Variants in PRH1 observed in about 807,000 individuals in gnomAD.
The protein encoded by PRH1 is salivary acidic proline-rich phosphoprotein 1/2.
Under a neutral mutation model 7.9 loss-of-function variants are expected in PRH1, and 7 were observed. The observed-to-expected ratio is 0.89, with a 90% confidence interval of 0.50 to 1.67. PRH1 has a LOEUF of 1.67. Ranked by LOEUF, PRH1 falls within the 40% of genes most tolerant of loss-of-function variation. The pLI is 0.00. For missense variants in PRH1, 109 were observed against 223.6 expected (o/e 0.49, Z 3.27); for synonymous variants, 45 against 80.8 (o/e 0.56, Z 2.38).
At chr12:11,171,215 G>A (rs1947830699) in intron 1 of PRH1, 1 of 462,076 alleles carries the variant, frequency 2.2e-6, no homozygotes, top group African/African-American at 2.0e-5. Flanking sequence ...GCACTGCACC[G>A]AGCGGCGGCA....
Position 11,090,737 on chromosome 12 carries a change from T to C in PRH1, n.124-43549A>G, listed in dbSNP as rs180968942. 2.5e-3 allele frequency among the ~76,000 whole-genome samples: 293 copies of C among 117,754 alleles called. 73 individuals are homozygous for C. The highest frequency in any genetic ancestry group is 7.8e-3 in the African/African-American group (274 of 35,036). The allele number at this position is 117,754 out of a possible 152,430, so 77.3% of individuals were successfully genotyped here. ...TCATTGCTTTTTACTAAACATAAAA[T>C]AGAAATTCATAATGGAATAAAACAC... On this transcript the variant is annotated intron_variant and non_coding_transcript_variant, in intron 1 of 4. Coordinates refer to the PRH1 transcript ENST00000541977.
chr12:11,143,702 A>T (rs1946776721), intron 1 of PRH1, among the ~76,000 whole-genome samples: 1 of 152,214 alleles, frequency 6.6e-6, no homozygotes, highest in Non-Finnish European at 1.5e-5. Flanking sequence ...TATTAGACAA[A>T]ATAGATTTCA....
intron 2 of PRH1, chr12:10,939,332 G>A (rs1950353416): frequency 3.4e-6 from 2 of 596,110 alleles, no homozygotes; most frequent in Non-Finnish European, 5.5e-6. Context: ...AAAAGGGAAT[G>A]TTAAACCAGC....
At chr12:11,065,663 T>C (rs1406499882) in intron 1 of PRH1, among the ~76,000 whole-genome samples, 1 of 14,896 alleles carries the variant, frequency 6.7e-5, no homozygotes, top group East Asian at 0.05. Context: ...TATAAATCAT[T>C]TTTTAATGGA....
intron 2 of PRH1, chr12:10,895,959 T>C (rs1036677526): frequency 1.3e-5 from 2 of 152,240 alleles, no homozygotes; most frequent in African/African-American, 4.8e-5. Flanking sequence ...GATTTATATA[T>C]CCAAAGGAGT....
intron 1 of PRH1, chr12:10,973,853 T>G (rs1348704959): frequency 6.2e-6 from 3 of 486,004 alleles, no homozygotes; most frequent in Non-Finnish European, 1.1e-5. Context: ...ACTTATATAT[T>G]TAATGCAATC....
rs143518639 is a variant in PRH1, at chr12:11,093,048, G to A, written n.124-45860C>T. On this transcript the variant is annotated intron_variant and non_coding_transcript_variant, in intron 1 of 4. Transcript: ENST00000541977. Reference sequence around the variant, plus strand: ...GACCTGAATCCTCATTTGCTAGTATGCAAATAGGGACATATTCACTTTCAG... The same window carrying A: ...GACCTGAATCCTCATTTGCTAGTATACAAATAGGGACATATTCACTTTCAG... Among the ~76,000 whole-genome samples, 37 of 116,198 alleles carry A rather than the reference G, an allele frequency of 3.2e-4. 8 individuals are homozygous for A. Among genetic ancestry groups the A allele is most frequent in the African/African-American group, 9.5e-4 (33 of 34,806 alleles). The allele number at this position is 116,198 out of a possible 152,430, so 76.2% of individuals were successfully genotyped here. A position where few individuals can be genotyped will look rare whatever the true frequency, so the allele number is the denominator to read the frequency against.
rs776130772 is a variant in PRH1, at chr12:10,915,543, C to T, written c.-58-31268G>A. On this transcript the variant is annotated intron_variant, in intron 2 of 3. Coordinates refer to the PRH1 transcript ENST00000539853. ...AAATGCCAACCCAAACTAGGTCACA[C>T]GTGTCAAAGTATATTAAAATGGAGG... Among the ~76,000 whole-genome samples, 26 of 56,396 alleles carry T rather than the reference C, an allele frequency of 4.6e-4. 11 individuals are homozygous for T. In the East Asian group the frequency reaches 9.9e-3, roughly 21 times the overall value. 37.0% of individuals were successfully genotyped at this position (56,396 alleles called of 152,430 possible).
chr12:11,060,292 CAT>C (rs1943533781), intron 1 of PRH1, among the ~76,000 whole-genome samples: 1 of 151,896 alleles, frequency 6.6e-6, no homozygotes, highest in Non-Finnish European at 1.5e-5. Flanking sequence ...ATAATTAAAA[CAT>C]AGATTTCATA....
At chr12:11,085,781 T>A (rs1392358604) in intron 1 of PRH1, among the ~76,000 whole-genome samples, 1 of 117,848 alleles carries the variant, frequency 8.5e-6, no homozygotes, top group African/African-American at 2.8e-5. Context: ...ATTCATCATT[T>A]TGAAATTTTT....
chr12:11,067,499 C>A (rs916465144), intron 1 of PRH1, among the ~76,000 whole-genome samples: 22 of 152,298 alleles, frequency 1.4e-4, no homozygotes, highest in Admixed American at 5.9e-4. Flanking sequence ...GTTTCAAATT[C>A]ATATTAGCAT....
intron 1 of PRH1, chr12:11,078,928 C>CA (rs1316034852): frequency 1.3e-5 from 2 of 152,002 alleles, no homozygotes. Context: ...CACATGCACT[C>CA]ACACCTTTAG....
chr12:10,966,693 CCTAA>C (rs36049035), intron 2 of PRH1, among the ~76,000 whole-genome samples: 36,849 of 151,860 alleles, frequency 0.24, 4,481 homozygotes, highest in Non-Finnish European at 0.25. Flanking sequence ...GGCAGAAAAA[CCTAA>C]CTGATATAGG....
At chr12:11,038,494 T>C (rs1942548957) in intron 1 of PRH1, among the ~76,000 whole-genome samples, 1 of 152,276 alleles carries the variant, frequency 6.6e-6, no homozygotes, top group Non-Finnish European at 1.5e-5. Context: ...TTTATGTAAA[T>C]GAGATTATAC....
At chr12:10,888,176 C>G (rs1949521715), upstream of PRH1, among the ~76,000 whole-genome samples, 1 of 152,186 alleles carries the variant, frequency 6.6e-6, no homozygotes, top group African/African-American at 2.4e-5. Flanking sequence ...TTCTGCCTCC[C>G]TCTTCTGCAG....
At chr12:11,134,583 G>A (rs1033506795) in intron 1 of PRH1, 3 of 256,058 alleles carry the variant, frequency 1.2e-5, no homozygotes, top group Non-Finnish European at 2.2e-5. Context: ...ACAAGGACAT[G>A]TTCACTTCCA....
At chr12:11,057,649 C>T (rs1943420425) in intron 1 of PRH1, among the ~76,000 whole-genome samples, 1 of 152,236 alleles carries the variant, frequency 6.6e-6, no homozygotes, top group African/African-American at 2.4e-5. Context: ...ACCTATCTGG[C>T]CTCTACCAAA....
chr12:11,119,049 A>G (rs968435940), downstream of PRH1, among the ~76,000 whole-genome samples: 1 of 151,204 alleles, frequency 6.6e-6, no homozygotes, highest in East Asian at 2.0e-4. Flanking sequence ...ACATATACAC[A>G]GTGGAGTACT....
intron 2 of PRH1, chr12:10,931,222 G>A (rs546599094): frequency 2.0e-6 from 3 of 1,489,102 alleles, no homozygotes; most frequent in East Asian, 4.6e-5. Context: ...AAATATTCTG[G>A]GATAAGGTAG....
Sources: gnomAD v4.1 joint callset for allele counts (sites outside exome capture counted in the v4.1 genomes callset) on GRCh38, gnomAD v4.1.1 for gene constraint, MANE v1.5 for transcripts, NCBI Gene and HGNC (gene_info 2026-07-23, HGNC 2026-07-21) for gene names.